ZFR: variants seen among roughly 807,000 people sequenced by gnomAD.
ZFR encodes the protein zinc finger RNA binding protein, also known as zinc finger RNA-binding protein.
Under a neutral mutation model 130.7 loss-of-function variants are expected in ZFR, and 19 were observed. The ratio of observed to expected loss-of-function variants is 0.15; its 90% CI spans 0.10 to 0.21. The LOEUF (loss-of-function observed/expected upper bound fraction) is 0.21. Ranked by LOEUF, ZFR falls within the 10% of genes least tolerant of loss-of-function variation. The pLI is 1.00. For synonymous variants in ZFR, 466 were observed against 456.9 expected (o/e 1.02, Z -0.25); for missense variants, 872 against 1,321.5 (o/e 0.66, Z 5.27).
rs1427190824 is a variant in ZFR at position 32,442,837 on chromosome 5, GTTTGCCCAGCATCTCA to G, written c.137+1376_137+1391del. On this transcript the variant is annotated intron_variant, in intron 2 of 19. Coordinates refer to ENST00000265069, the MANE Select transcript of ZFR (RefSeq NM_016107.5). ...CCACAAGTTTCAGCCCAAAAAGATA[GTTTGCCCAGCATCTCA>G]TTTTACAGATGATGAACATGAAAAC... is the stretch of plus-strand genomic sequence containing the variant. Among the ~76,000 whole-genome samples the G allele has an allele frequency of 4.4e-4, 67 of 152,196 alleles. 1 individual carries two copies. The highest frequency in any genetic ancestry group is 1.6e-3 in the African/African-American group (65 of 41,514).
At chr5:32,391,308 C>T (rs1753169301) in intron 11 of ZFR, among the ~76,000 whole-genome samples, 1 of 152,146 alleles carries the variant, frequency 6.6e-6, no homozygotes, top group Non-Finnish European at 1.5e-5. Flanking sequence ...TTTTAGGTAT[C>T]CACTGGTGGT....
chr5:32,359,791 A>T (rs781172793), intron 19 of ZFR, among the ~76,000 whole-genome samples: 15 of 152,204 alleles, frequency 9.9e-5, no homozygotes, highest in Admixed American at 3.3e-4. Context: ...TCTACTAAAA[A>T]TACAAAAAGT....
intron 17 of ZFR, among the ~76,000 whole-genome samples, chr5:32,374,317 C>A (rs1752747030): frequency 6.6e-6 from 1 of 151,988 alleles, no homozygotes; most frequent in Non-Finnish European, 1.5e-5. Context: ...ACTACCCTGG[C>A]CAACATGATG....
In ZFR at chr5:32,360,684, T is replaced by C. The variant is rs111529289; in HGVS notation, c.3045+3264A>G. On this transcript the variant is annotated intron_variant, in intron 19 of 19. Transcript: ENST00000265069. ...ATTTTTTTCAATTCTCTTAAGTATA[T>C]ATCTAGATATCAAAGAGTTGCTGAG... Among the ~76,000 whole-genome samples, 561 of 152,338 alleles carry C rather than the reference T, an allele frequency of 3.7e-3. 3 individuals are homozygous for C. Among genetic ancestry groups the C allele is most frequent in the Non-Finnish European group, 6.6e-3 (447 of 68,030 alleles).
At chr5:32,367,105 G>A (rs549029416) in intron 17 of ZFR, among the ~76,000 whole-genome samples, 24 of 152,060 alleles carry the variant, frequency 1.6e-4, no homozygotes, top group Non-Finnish European at 3.2e-4. Flanking sequence ...GTCTTGCTCT[G>A]TTTCCTAGAC....
intron 16 of ZFR, chr5:32,379,521 TAAAAG>T (rs1483335889): frequency 1.0e-5 from 3 of 287,530 alleles, no homozygotes; most frequent in Non-Finnish European, 2.0e-5. Flanking sequence ...ACATTAGAAA[TAAAAG>T]AAAAAGTAAA....
chr5:32,429,250 C>G (rs10461913), intron 2 of ZFR, among the ~76,000 whole-genome samples: 28 of 151,926 alleles, frequency 1.8e-4, no homozygotes, highest in Non-Finnish European at 7.4e-5. Flanking sequence ...CCTCCCAAAG[C>G]GCTGGGATTA....
At chr5:32,364,120 G>A (rs779736725) in intron 18 of ZFR, 44 bp downstream of exon 18, 3 of 1,594,388 alleles carry the variant, frequency 1.9e-6, no homozygotes, top group East Asian at 2.2e-5. Flanking sequence ...ACCAGCAAAT[G>A]AGTAAACTTC....
chr5:32,444,508 C>A, intron 1 of ZFR, 114 bp downstream of exon 1: 1 of 1,330,920 alleles, frequency 7.5e-7, no homozygotes, highest in Non-Finnish European at 9.8e-7. Context: ...ACTCGCACGC[C>A]CGGGTGGCGG....
intron 2 of ZFR, among the ~76,000 whole-genome samples, chr5:32,441,822 T>A (rs2111881473): frequency 6.6e-6 from 1 of 152,336 alleles, no homozygotes; most frequent in African/African-American, 2.4e-5. Flanking sequence ...TACAAGGCCT[T>A]ATGTACAAGA....
At chr5:32,436,786 T>C (rs577678524) in intron 2 of ZFR, among the ~76,000 whole-genome samples, 3 of 152,240 alleles carry the variant, frequency 2.0e-5, no homozygotes, top group African/African-American at 7.2e-5. Flanking sequence ...TTACAAATAA[T>C]AGTGAATCCT....
In ZFR at chr5:32,424,805, A is replaced by C. The variant is rs182172816; in HGVS notation, c.138-4702T>G. 2.5e-3 allele frequency among the ~76,000 whole-genome samples: 377 copies of C among 152,314 alleles called. 1 individual carries two copies. Among genetic ancestry groups the C allele is most frequent in the Middle Eastern group, 0.014 (4 of 294 alleles). The stretch of plus-strand genomic sequence containing the variant: ...ATAAGATAAAACAGTTTTTGCTTTA[A>C]AGTTTTAGAATCAATCTAAATTAGA... On this transcript the variant is annotated intron_variant, in intron 2 of 19. Coordinates refer to ENST00000265069, the MANE Select transcript of ZFR (RefSeq NM_016107.5).
intron 3 of ZFR, among the ~76,000 whole-genome samples, chr5:32,418,234 T>G (rs1204300541): frequency 6.9e-6 from 1 of 143,980 alleles, no homozygotes; most frequent in East Asian, 2.0e-4. Context: ...CACTCCAGCC[T>G]GGGCGACAGA....
At chr5:32,390,183 T>G in intron 12 of ZFR, 92 bp downstream of exon 12, 1 of 1,446,780 alleles carries the variant, frequency 6.9e-7, no homozygotes, top group South Asian at 1.4e-5. Context: ...ACAAGATTAT[T>G]AAGTCTAAAC....
At chr5:32,426,226 A>G (rs1223518589) in intron 2 of ZFR, among the ~76,000 whole-genome samples, 1 of 152,140 alleles carries the variant, frequency 6.6e-6, no homozygotes, top group Non-Finnish European at 1.5e-5. Flanking sequence ...GCTCTTAACC[A>G]TCACATCTAC....
chr5:32,397,936 C>T (rs1189363457), intron 9 of ZFR, among the ~76,000 whole-genome samples: 1 of 136,226 alleles, frequency 7.3e-6, no homozygotes, highest in Non-Finnish European at 1.5e-5. Context: ...CGGCTCACTG[C>T]CAGCTCCGCC....
At chr5:32,430,671 A>G (rs779249174) in intron 2 of ZFR, among the ~76,000 whole-genome samples, 2 of 152,214 alleles carry the variant, frequency 1.3e-5, no homozygotes, top group African/African-American at 2.4e-5. Flanking sequence ...CATGAAAGAT[A>G]AAGAAAAACT....
Position 32,410,969 on chromosome 5 carries a change from T to G in ZFR, c.785-3948A>C, listed in dbSNP as rs192518253. On this transcript the variant is annotated intron_variant, in intron 5 of 19. Coordinates refer to ENST00000265069, the MANE Select transcript of ZFR (RefSeq NM_016107.5). ...GTGGGCAAATGTACAAATCTTTACATGTAAGGATGTTCTACCTAGTGCTGT... is the reference window on the plus strand; with the variant it reads ...GTGGGCAAATGTACAAATCTTTACAGGTAAGGATGTTCTACCTAGTGCTGT... Among the ~76,000 whole-genome samples, 23 of 152,374 alleles carry G rather than the reference T, an allele frequency of 1.5e-4. No individual in the cohort carries two copies. In the East Asian group the frequency reaches 3.9e-3, roughly 26 times the overall value.
intron 19 of ZFR, among the ~76,000 whole-genome samples, chr5:32,361,838 TCCTGA>T (rs2111655051): frequency 6.6e-6 from 1 of 152,214 alleles, no homozygotes; most frequent in South Asian, 2.1e-4. Context: ...GGTCTCAAAC[TCCTGA>T]CCTCAGGTGG....
Sources: gnomAD v4.1 joint callset for allele counts (sites outside exome capture counted in the v4.1 genomes callset) on GRCh38, gnomAD v4.1.1 for gene constraint, MANE v1.5 for transcripts, NCBI Gene and HGNC (gene_info 2026-07-23, HGNC 2026-07-21) for gene names.